The following ARHGAP28 variants were observed in gnomAD, a reference collection of about 807,000 sequenced individuals.
ARHGAP28 encodes the protein Rho GTPase activating protein 28.
ARHGAP28 carries 56 observed loss-of-function variants against 90.7 expected under a neutral mutation model. That is an observed-to-expected ratio of 0.62 (90% confidence interval 0.50 to 0.77). ARHGAP28 has a LOEUF of 0.77. Among genes scored for constraint, ARHGAP28 ranks in the 30% least tolerant of loss-of-function variants. ARHGAP28 has a pLI of 0.00. For synonymous variants in ARHGAP28, 308 were observed against 323.3 expected, an observed-to-expected ratio of 0.95 and a Z score of 0.51; for missense variants, 869 against 900.9, an observed-to-expected ratio of 0.96 and a Z score of 0.45.
At chr18:6,730,236 T>TATATATATATATATAC (rs767639864) in intron 1 of ARHGAP28, 36 of 198,758 alleles carry the variant, frequency 1.8e-4, no homozygotes, top group African/African-American at 2.2e-4. Context: ...TATATATATA[T>TATATATATATATATAC]ACCTCATTTC....
chr18:6,869,079 G>C (rs1033225940), intron 6 of ARHGAP28, among the ~76,000 whole-genome samples: 17 of 152,092 alleles, frequency 1.1e-4, no homozygotes, highest in African/African-American at 4.1e-4. Flanking sequence ...CTAAAAACCA[G>C]CCTTCTACGT....
chr18:6,893,138 C>T (rs984160809), intron 14 of ARHGAP28, among the ~76,000 whole-genome samples: 2 of 152,180 alleles, frequency 1.3e-5, no homozygotes, highest in African/African-American at 4.8e-5. Context: ...TGCCTGTAAA[C>T]GTTTTTGACA....
intron 1 of ARHGAP28, chr18:6,791,070 A>G (rs1298794084): frequency 6.6e-6 from 1 of 151,312 alleles, no homozygotes; most frequent in Non-Finnish European, 1.5e-5. Flanking sequence ...AACTAATAGG[A>G]TATATATATA....
In ARHGAP28 at chr18:6,870,613, A is replaced by G; in HGVS notation, c.835A>G (p.Ile279Val). Reference sequence around the variant, plus strand: ...AGATGATGATTTTCTGGAAAAGAACATTCCACCAGAGGCTGAAGAGCTGTC... The same window carrying G: ...AGATGATGATTTTCTGGAAAAGAACGTTCCACCAGAGGCTGAAGAGCTGTC... ...ISDDDFLEKN[I>V]PPEAEELSFE... The change falls in exon 7 of 18, where the codon ATT becomes GTT. Residue 279 changes from isoleucine to valine, a missense_variant. Transcript: ENST00000383472. 3.7e-6 allele frequency: 6 copies of G among 1,612,224 alleles called. No homozygotes were observed. The highest frequency in any genetic ancestry group is 4.2e-6 in the Non-Finnish European group (5 of 1,179,090).
Position 6,824,730 on chromosome 18 carries a change from G to A in ARHGAP28, c.123-32G>A, listed in dbSNP as rs116070544. 4.3e-3 allele frequency: 6,345 copies of A among 1,490,502 alleles called. 237 individuals are homozygous for A. In the African/African-American group the frequency reaches 0.079, roughly 18 times the overall value. 92.3% of individuals were successfully genotyped at this position (1,490,502 alleles called of 1,614,324 possible). The stretch of plus-strand genomic sequence containing the variant: ...GCTTTATAACATAAAAATATAACCC[G>A]TTTTTATTCATAGATATTATTCTTT... On this transcript the variant is annotated intron_variant, in intron 1 of 17. Coordinates refer to ENST00000383472, the MANE Select transcript of ARHGAP28 (RefSeq NM_001366230.1).
At chr18:6,799,484 C>T (rs954934690) in intron 1 of ARHGAP28, among the ~76,000 whole-genome samples, 1 of 152,192 alleles carries the variant, frequency 6.6e-6, no homozygotes, top group Non-Finnish European at 1.5e-5. Flanking sequence ...TGACTTCAAA[C>T]TATAAGGCTA....
chr18:6,791,583 C>T (rs2056406702), intron 1 of ARHGAP28: 1 of 152,154 alleles, frequency 6.6e-6, no homozygotes, highest in South Asian at 2.1e-4. Context: ...GTCTGATGTG[C>T]AGAATTACCA....
In ARHGAP28 at chr18:6,915,495, CACTT is replaced by C. The variant is rs1412584573; in HGVS notation, c.*3344_*3347del. The stretch of plus-strand genomic sequence containing the variant: ...TTCAAGCATTTTTAACAGTTTTACA[CACTT>C]ACATACACCTTAATTAAAAATTTTT... On this transcript the variant is annotated 3_prime_UTR_variant, in exon 18 of 18. Transcript: ENST00000383472. 6.7e-6 allele frequency: 1 copy of C among 149,790 alleles called. No homozygotes were observed. Among genetic ancestry groups the C allele is most frequent in the Non-Finnish European group, 1.5e-5 (1 of 67,630 alleles). The allele number at this position is 149,790 out of a possible 1,614,324, so 9.3% of individuals were successfully genotyped here.
At chr18:6,781,257 T>C (rs1398054193) in intron 1 of ARHGAP28, among the ~76,000 whole-genome samples, 3 of 152,148 alleles carry the variant, frequency 2.0e-5, no homozygotes, top group South Asian at 2.1e-4. Context: ...CCCCAGGGGA[T>C]TGGACACAGT....
At position 6,817,575 on chromosome 18, in the gene ARHGAP28, C is replaced by G. The variant is rs188738984; in HGVS notation, c.123-7187C>G. Among the ~76,000 whole-genome samples the G allele has an allele frequency of 1.2e-4, 19 of 152,226 alleles. No homozygotes were observed. The East Asian group carries it at 3.5e-3, about 28-fold the overall frequency. On this transcript the variant is annotated intron_variant, in intron 1 of 17. Coordinates refer to ENST00000383472, the MANE Select transcript of ARHGAP28 (RefSeq NM_001366230.1). Reference sequence around the variant, plus strand: ...GATGAGAGTAGGTTTTAAAAATAGGCATTTATTTTTCTCACATTTCTGGAA... The same window carrying G: ...GATGAGAGTAGGTTTTAAAAATAGGGATTTATTTTTCTCACATTTCTGGAA...
At chr18:6,902,133 A>G (rs1371997578) in intron 16 of ARHGAP28, among the ~76,000 whole-genome samples, 1 of 152,208 alleles carries the variant, frequency 6.6e-6, no homozygotes, top group Non-Finnish European at 1.5e-5. Flanking sequence ...TTTGGGGGAC[A>G]CTGTTCAGCA....
At chr18:6,801,656 T>A (rs1373223309) in intron 1 of ARHGAP28, among the ~76,000 whole-genome samples, 6 of 152,148 alleles carry the variant, frequency 3.9e-5, no homozygotes, top group Non-Finnish European at 8.8e-5. Flanking sequence ...TATACATATT[T>A]TGGGAGTACC....
intron 16 of ARHGAP28, among the ~76,000 whole-genome samples, chr18:6,899,844 C>T (rs1297443424): frequency 6.6e-6 from 1 of 152,168 alleles, no homozygotes; most frequent in East Asian, 1.9e-4. Flanking sequence ...TTCCCTGGTG[C>T]CCTTACTAGT....
chr18:6,880,091 G>A, intron 10 of ARHGAP28, among the ~76,000 whole-genome samples: 1 of 152,136 alleles, frequency 6.6e-6, no homozygotes, highest in South Asian at 2.1e-4. Context: ...GGAAAACAAT[G>A]TCCCCTTTGC....
intron 4 of ARHGAP28, among the ~76,000 whole-genome samples, chr18:6,855,633 C>T (rs1480754540): frequency 2.0e-5 from 3 of 152,216 alleles, no homozygotes; most frequent in African/African-American, 4.8e-5. Flanking sequence ...GGCTGAAACA[C>T]GCTTCCCACT....
intron 1 of ARHGAP28, among the ~76,000 whole-genome samples, chr18:6,786,194 A>T (rs996611898): frequency 5.3e-5 from 8 of 152,194 alleles, no homozygotes; most frequent in African/African-American, 1.9e-4. Flanking sequence ...GTACAAGCTA[A>T]ACTGCAACTA....
At chr18:6,777,890 A>G (rs2056297411) in intron 1 of ARHGAP28, among the ~76,000 whole-genome samples, 1 of 151,952 alleles carries the variant, frequency 6.6e-6, no homozygotes, top group Non-Finnish European at 1.5e-5. Context: ...ACCCAAGAAC[A>G]CCATTGGTTT....
rs1482888771 is a variant in ARHGAP28, at chr18:6,912,534, G to C, written c.*380G>C. ...ATGCTACGAAACAAAAGAGGTGAAAGAGACCCTTTTTTATACTTAATGTAC... is the reference window on the plus strand; with the variant it reads ...ATGCTACGAAACAAAAGAGGTGAAACAGACCCTTTTTTATACTTAATGTAC... On this transcript the variant is annotated 3_prime_UTR_variant, in exon 18 of 18. Coordinates refer to ENST00000383472, the MANE Select transcript of ARHGAP28 (RefSeq NM_001366230.1). 6.5e-6 allele frequency: 1 copy of C among 154,886 alleles called. No individual in the cohort carries two copies. The allele number at this position is 154,886 out of a possible 1,614,324, so 9.6% of individuals were successfully genotyped here.
chr18:6,870,787 A>T, intron 7 of ARHGAP28, 55 bp downstream of exon 7: 1 of 1,527,700 alleles, frequency 6.5e-7, no homozygotes, highest in Non-Finnish European at 8.8e-7. Flanking sequence ...TCATAGGACA[A>T]AACTAAGATT....
Sources: gnomAD v4.1 joint callset for allele counts (sites outside exome capture counted in the v4.1 genomes callset) on GRCh38, gnomAD v4.1.1 for gene constraint, MANE v1.5 for transcripts, NCBI Gene and HGNC (gene_info 2026-07-23, HGNC 2026-07-21) for gene names.